Variants in GALNT13 observed in about 807,000 individuals in gnomAD.
GALNT13 encodes the protein polypeptide N-acetylgalactosaminyltransferase 13.
In GALNT13, 28 loss-of-function variants were observed where a neutral mutation model predicts 64.2. That is an observed-to-expected ratio of 0.44 (90% CI 0.32 to 0.60). The LOEUF (loss-of-function observed/expected upper bound fraction) is 0.60. GALNT13 is among the 20% of genes least tolerant of loss of function. The probability of loss-of-function intolerance (pLI) is 0.05; values close to 1 mark genes in which losing one functional copy is unlikely to be tolerated. For synonymous variants in GALNT13, 214 were observed against 224.6 expected (o/e 0.95, Z 0.42); for missense variants, 577 against 669.8 (o/e 0.86, Z 1.53).
chr2:154,214,175 C>T (rs934581685), intron 4 of GALNT13, among the ~76,000 whole-genome samples: 2 of 152,280 alleles, frequency 1.3e-5, no homozygotes, highest in East Asian at 3.9e-4. Context: ...ATTGTCTGCT[C>T]ACTAACACGA....
intron 3 of GALNT13, among the ~76,000 whole-genome samples, chr2:153,980,070 G>A (rs1694358079): frequency 6.6e-6 from 1 of 152,190 alleles, no homozygotes; most frequent in East Asian, 1.9e-4. Flanking sequence ...ATGATAGCAT[G>A]TAAATGGATA....
chr2:154,117,477 T>A (rs1441095461), intron 3 of GALNT13, among the ~76,000 whole-genome samples: 1 of 151,102 alleles, frequency 6.6e-6, no homozygotes, highest in African/African-American at 2.4e-5. Flanking sequence ...TGCCTTTGCA[T>A]CTTCATAGCT....
Position 153,873,589 on chromosome 2 carries a change from T to C in GALNT13, c.-177+1286T>C, listed in dbSNP as rs988651022. 2.0e-5 allele frequency among the ~76,000 whole-genome samples: 3 copies of C among 152,134 alleles called. No individual in the cohort carries two copies. The East Asian group carries it at 5.8e-4, about 29-fold the overall frequency. ...GTGTTGCTAGCAGAGGAGAGGAGCT[T>C]TGGGGACTGAGGTATGCCTGCCTTA... On this transcript the variant is annotated intron_variant, in intron 1 of 12. Transcript: ENST00000392825.
chr2:153,389,560 T>G, the GALNT13 span, among the ~76,000 whole-genome samples: 124,177 of 152,046 alleles, frequency 0.82, 51,630 homozygotes, highest in African/African-American at 0.9. Flanking sequence ...ATGCCATCAG[T>G]GTAAACTAAA....
chr2:154,204,778 CA>C (rs1341165553), intron 4 of GALNT13, among the ~76,000 whole-genome samples: 1 of 152,312 alleles, frequency 6.6e-6, no homozygotes. Context: ...TAGTCTCAGA[CA>C]TATCATGTTA....
At chr2:153,507,311 C>T in the GALNT13 span, among the ~76,000 whole-genome samples, 1 of 151,948 alleles carries the variant, frequency 6.6e-6, no homozygotes, top group Admixed American at 6.6e-5. Context: ...GAGATGGAGT[C>T]TCACTCTGTC....
intron 4 of GALNT13, among the ~76,000 whole-genome samples, chr2:154,172,604 G>A (rs1685421141): frequency 6.6e-6 from 1 of 151,840 alleles, no homozygotes; most frequent in Non-Finnish European, 1.5e-5. Flanking sequence ...TCACGTTGCT[G>A]CAAATGATAG....
intron 8 of GALNT13, among the ~76,000 whole-genome samples, chr2:154,298,694 C>CATTGTATATATAATGTATATATAA (rs1693191960): frequency 1.3e-4 from 1 of 7,434 alleles, no homozygotes; most frequent in African/African-American, 3.9e-4. Context: ...TTTATATATA[C>CATTGTATATATAATGTATATATAA]ATTGTATATA....
chr2:153,242,982 A>G, the GALNT13 span, among the ~76,000 whole-genome samples: 1 of 152,230 alleles, frequency 6.6e-6, no homozygotes, highest in African/African-American at 2.4e-5. Context: ...ACTTTGCGTT[A>G]TGGGAGAGTT....
chr2:153,722,602 T>TA, the GALNT13 span, among the ~76,000 whole-genome samples: 6 of 151,362 alleles, frequency 4.0e-5, no homozygotes, highest in African/African-American at 9.7e-5. Flanking sequence ...ATAGACACAA[T>TA]AAAAAATGAT....
chr2:154,431,360 T>C (rs1700702209), intron 11 of GALNT13, among the ~76,000 whole-genome samples: 1 of 152,142 alleles, frequency 6.6e-6, no homozygotes, highest in African/African-American at 2.4e-5. Context: ...TGTTTGTAGT[T>C]TTTCTAAAGG....
intron 3 of GALNT13, among the ~76,000 whole-genome samples, chr2:154,043,460 A>ACACACC (rs1699118206): frequency 7.0e-6 from 1 of 142,002 alleles, no homozygotes; most frequent in African/African-American, 2.6e-5. Context: ...ATATATACAC[A>ACACACC]CATGTATACA....
the GALNT13 span, among the ~76,000 whole-genome samples, chr2:153,613,163 A>T: frequency 6.6e-6 from 1 of 152,184 alleles, no homozygotes; most frequent in Non-Finnish European, 1.5e-5. Flanking sequence ...TGTGGAAAAA[A>T]TTAATTTGAC....
the GALNT13 span, among the ~76,000 whole-genome samples, chr2:153,086,266 G>GT: frequency 6.5e-4 from 99 of 152,272 alleles, no homozygotes; most frequent in African/African-American, 2.3e-3. Flanking sequence ...GCTGAAATGA[G>GT]TTAAGACCTT....
intron 3 of GALNT13, among the ~76,000 whole-genome samples, chr2:154,025,421 G>A (rs1558916629): frequency 6.6e-6 from 1 of 152,086 alleles, no homozygotes; most frequent in African/African-American, 2.4e-5. Context: ...ACTCTTCTGT[G>A]CATGCCAGTA....
intron 3 of GALNT13, among the ~76,000 whole-genome samples, chr2:154,047,431 G>C (rs1159650938): frequency 6.6e-6 from 1 of 152,116 alleles, no homozygotes; most frequent in Non-Finnish European, 1.5e-5. Context: ...ATGTAGTTAA[G>C]AGTATATGGT....
chr2:153,805,100 A>C, the GALNT13 span, among the ~76,000 whole-genome samples: 1 of 152,056 alleles, frequency 6.6e-6, no homozygotes, highest in South Asian at 2.1e-4. Flanking sequence ...AATATAATGT[A>C]AATTATGAAA....
intron 12 of GALNT13, chr2:154,446,556 T>C (rs1574327828): frequency 1.3e-6 from 2 of 1,524,058 alleles, no homozygotes; most frequent in South Asian, 1.2e-5. Context: ...CGTTATTTTC[T>C]TTGTCAAACA....
intron 2 of GALNT13, among the ~76,000 whole-genome samples, chr2:153,942,328 C>T (rs1420861318): frequency 6.6e-6 from 1 of 152,108 alleles, no homozygotes; most frequent in Admixed American, 6.6e-5. Context: ...GTATATGGCA[C>T]TCCTTATAAA....
Sources: gnomAD v4.1 joint callset for allele counts (sites outside exome capture counted in the v4.1 genomes callset) on GRCh38, gnomAD v4.1.1 for gene constraint, MANE v1.5 for transcripts, NCBI Gene and HGNC (gene_info 2026-07-23, HGNC 2026-07-21) for gene names.